The following ARHGAP10 variants were observed in gnomAD, a reference collection of about 807,000 sequenced individuals.
ARHGAP10 encodes the protein Rho GTPase activating protein 10.
In ARHGAP10, 87 loss-of-function variants were observed where a neutral mutation model predicts 108.6. The observed-to-expected ratio is 0.80, with a 90% CI of 0.67 to 0.96. The LOEUF is 0.96. Ranked by LOEUF, ARHGAP10 falls within the 40% of genes least tolerant of loss-of-function variation. The probability of loss-of-function intolerance (pLI) is 0.00; values close to 1 mark genes in which losing one functional copy is unlikely to be tolerated. For synonymous variants in ARHGAP10, 347 were observed against 341.1 expected (o/e 1.02, Z -0.19); for missense variants, 939 against 954.5 (o/e 0.98, Z 0.21).
At chr4:147,834,463 C>A (rs1313762886) in intron 3 of ARHGAP10, among the ~76,000 whole-genome samples, 1 of 151,868 alleles carries the variant, frequency 6.6e-6, no homozygotes, top group Admixed American at 6.6e-5. Context: ...AGAGTGAGAC[C>A]CCATCTCAAA....
Position 147,936,477 on chromosome 4 carries a change from C to T in ARHGAP10, c.1229-3348C>T, listed in dbSNP as rs866844812. Reference sequence around the variant, plus strand: ...CCGAGTAGCTGGGACTACAGGCGCCCGCCACCGTGCCCGGCTAATTTTTTT... The same window carrying T: ...CCGAGTAGCTGGGACTACAGGCGCCTGCCACCGTGCCCGGCTAATTTTTTT... On this transcript the variant is annotated intron_variant, in intron 13 of 22. Transcript: ENST00000336498. Among the ~76,000 whole-genome samples the T allele has an allele frequency of 1.6e-3, 250 of 151,678 alleles. 1 individual carries two copies. The highest frequency in any genetic ancestry group is 5.6e-3 in the African/African-American group (232 of 41,356).
Position 147,965,138 on chromosome 4 carries a change from C to A in ARHGAP10, c.1556+9C>A. 6.3e-7 allele frequency: 1 copy of A among 1,587,240 alleles called. No individual in the cohort carries two copies. Among genetic ancestry groups the A allele is most frequent in the Non-Finnish European group, 8.6e-7 (1 of 1,164,238 alleles). ...GTGAAACACTTAACAAAGTAAGCCT[C>A]TTTTTCTTCGTTTTAACTTTCTTCA... On this transcript the variant is annotated intron_variant, in intron 17 of 22. Transcript: ENST00000336498.
intron 19 of ARHGAP10, among the ~76,000 whole-genome samples, chr4:148,036,720 A>G (rs1275390597): frequency 6.6e-6 from 1 of 152,232 alleles, no homozygotes; most frequent in East Asian, 1.9e-4. Flanking sequence ...CAAGTTGACT[A>G]GCATACGGAT....
At chr4:147,819,309 A>T (rs780366695) in intron 1 of ARHGAP10, among the ~76,000 whole-genome samples, 29 of 152,164 alleles carry the variant, frequency 1.9e-4, no homozygotes, top group Non-Finnish European at 3.8e-4. Flanking sequence ...GCAATATATA[A>T]AAAATACATA....
chr4:148,053,578 A>G (rs1729236042), intron 20 of ARHGAP10, among the ~76,000 whole-genome samples: 1 of 152,166 alleles, frequency 6.6e-6, no homozygotes, highest in Non-Finnish European at 1.5e-5. Context: ...GTAATATGAT[A>G]TTCGGTTGTC....
chr4:147,970,874 G>A (rs947435009), intron 18 of ARHGAP10, among the ~76,000 whole-genome samples: 1 of 152,124 alleles, frequency 6.6e-6, no homozygotes, highest in Non-Finnish European at 1.5e-5. Context: ...GATCACCTGA[G>A]GTCAGGAGTT....
intron 19 of ARHGAP10, among the ~76,000 whole-genome samples, chr4:148,024,872 T>G (rs541080683): frequency 1.3e-5 from 2 of 152,284 alleles, no homozygotes; most frequent in Admixed American, 1.3e-4. Flanking sequence ...TAAGCAAATG[T>G]TGGAAAGTAG....
At chr4:148,004,014 G>A (rs972510556) in intron 18 of ARHGAP10, among the ~76,000 whole-genome samples, 1 of 114,294 alleles carries the variant, frequency 8.7e-6, no homozygotes, top group African/African-American at 5.0e-5. Flanking sequence ...CTGCTGGCGG[G>A]GGTGTGAACT....
chr4:147,780,818 C>T (rs1730500096), intron 1 of ARHGAP10, among the ~76,000 whole-genome samples: 3 of 152,218 alleles, frequency 2.0e-5, no homozygotes, highest in Middle Eastern at 6.8e-3. Flanking sequence ...TAAAGGAGTG[C>T]TGCCGGCATG....
At chr4:147,989,439 G>C (rs6841858) in intron 18 of ARHGAP10, among the ~76,000 whole-genome samples, 22,486 of 150,960 alleles carry the variant, frequency 0.15, 2,333 homozygotes, top group African/African-American at 0.34. Flanking sequence ...CCTGGGAGCG[G>C]TATGGGAGAC....
At chr4:147,941,550 TTGC>T (rs1300226911) in intron 14 of ARHGAP10, among the ~76,000 whole-genome samples, 2 of 152,180 alleles carry the variant, frequency 1.3e-5, no homozygotes, top group Non-Finnish European at 2.9e-5. Context: ...CTCACACATA[TTGC>T]TGGCAAGGGA....
chr4:147,796,460 C>A (rs563390355), intron 1 of ARHGAP10, among the ~76,000 whole-genome samples: 1 of 152,120 alleles, frequency 6.6e-6, no homozygotes, highest in Non-Finnish European at 1.5e-5. Context: ...AGAGGAGGTA[C>A]ATAATTCCTC....
At chr4:147,897,528 C>G (rs895234496) in intron 10 of ARHGAP10, among the ~76,000 whole-genome samples, 18 of 151,918 alleles carry the variant, frequency 1.2e-4, no homozygotes, top group Non-Finnish European at 2.4e-4. Flanking sequence ...TTAGTTATGC[C>G]TTTTAATGTA....
chr4:147,778,157 AATAG>A (rs1730370623), intron 1 of ARHGAP10, among the ~76,000 whole-genome samples: 1 of 152,142 alleles, frequency 6.6e-6, no homozygotes, highest in Admixed American at 6.5e-5. Flanking sequence ...AATGATTTGA[AATAG>A]ATGGCATTTT....
chr4:147,929,582 A>G (rs1369185534), intron 13 of ARHGAP10, among the ~76,000 whole-genome samples: 1 of 152,204 alleles, frequency 6.6e-6, no homozygotes, highest in Non-Finnish European at 1.5e-5. Context: ...AATATATGTA[A>G]GGAACACATT....
intron 5 of ARHGAP10, among the ~76,000 whole-genome samples, chr4:147,860,602 T>C (rs971147004): frequency 5.3e-5 from 8 of 152,234 alleles, no homozygotes; most frequent in Non-Finnish European, 8.8e-5. Flanking sequence ...TTCTACTTAA[T>C]AGTTGTACTG....
intron 1 of ARHGAP10, among the ~76,000 whole-genome samples, chr4:147,781,280 G>T (rs914842717): frequency 6.6e-6 from 1 of 152,122 alleles, no homozygotes; most frequent in African/African-American, 2.4e-5. Flanking sequence ...GGAGGTGGGG[G>T]TTGCAGTGAG....
At chr4:147,888,527 A>T (rs1735664394) in intron 10 of ARHGAP10, among the ~76,000 whole-genome samples, 1 of 152,220 alleles carries the variant, frequency 6.6e-6, no homozygotes, top group African/African-American at 2.4e-5. Flanking sequence ...TTTTCTTAAA[A>T]GTCATACATG....
intron 1 of ARHGAP10, among the ~76,000 whole-genome samples, chr4:147,793,164 A>ATGTG (rs773691850): frequency 1.4e-5 from 2 of 144,232 alleles, no homozygotes; most frequent in Admixed American, 1.4e-4. Flanking sequence ...GTGTGTATGT[A>ATGTG]TGTGTGTGTG....
Sources: allele counts gnomAD v4.1 joint callset (sites outside exome capture counted in the v4.1 genomes callset), GRCh38; gene constraint gnomAD v4.1.1; transcripts MANE v1.5; gene names NCBI Gene and HGNC (gene_info 2026-07-23, HGNC 2026-07-21).